SLC38A10: variants seen among roughly 807,000 people sequenced by gnomAD.
The protein encoded by SLC38A10 is solute carrier family 38 member 10, also known as Sodium-coupled neutral amino acid transporter 10.
In SLC38A10, 53 loss-of-function variants were observed where a neutral mutation model predicts 81.0. The ratio of observed to expected loss-of-function variants is 0.65; its 90% CI spans 0.53 to 0.82. SLC38A10 has a LOEUF of 0.82. SLC38A10 is among the 40% of genes least tolerant of loss of function. The probability of loss-of-function intolerance (pLI) is 0.00; values close to 1 mark genes in which losing one functional copy is unlikely to be tolerated. For synonymous variants in SLC38A10, 665 were observed against 655.3 expected (o/e 1.01, Z -0.23); for missense variants, 1,471 against 1,545.0 (o/e 0.95, Z 0.80).
intron 10 of SLC38A10, among the ~76,000 whole-genome samples, chr17:81,261,233 C>T (rs997866484): frequency 3.9e-5 from 6 of 152,076 alleles, no homozygotes; most frequent in South Asian, 2.1e-4. Context: ...CCCCGGCTCC[C>T]GCCACCCCGG....
Position 81,247,950 on chromosome 17 carries a change from C to CTTTTT in SLC38A10, c.2066-894_2066-890dup, listed in dbSNP as rs34228716. On this transcript the variant is annotated intron_variant, in intron 14 of 15. Transcript: ENST00000374759. ...AATTTTAAAAACAAACAAAAGCTGT[C>CTTTTT]TTTTTTTTTTTTTTTTTTTTTTTTG... Among the ~76,000 whole-genome samples, 226 of 73,086 alleles carry CTTTTT rather than the reference C, an allele frequency of 3.1e-3. 2 individuals are homozygous for CTTTTT. Among genetic ancestry groups the CTTTTT allele is most frequent in the East Asian group, 5.9e-3 (13 of 2,202 alleles). 47.9% of individuals were successfully genotyped at this position (73,086 alleles called of 152,430 possible). A position where few individuals can be genotyped will look rare whatever the true frequency, so the allele number is the denominator to read the frequency against.
Position 81,289,737 on chromosome 17 carries a change from C to T in SLC38A10, c.171G>A (p.Leu57=), listed in dbSNP as rs924782117. 3 of 1,611,844 alleles carry T rather than the reference C, an allele frequency of 1.9e-6. No homozygotes were observed. The South Asian group carries it at 3.3e-5, about 18-fold the overall frequency. The change falls in exon 2 of 16, where the codon TTG becomes TTA. Residue 57 remains leucine, a synonymous_variant. Transcript: ENST00000374759. This position sits in a 1 kb window ranked among gnomAD's most constrained non-coding sequence, Gnocchi z 5.9. ...GCTTGCTCAGGCTGGCCGACTTCAC[C>T]AAGAACATGCACGACTGGTGCGTCA... ...SWMTHQSCMF[L]VKSASLSKRR...
intron 14 of SLC38A10, chr17:81,251,283 G>A (rs778939679): frequency 6.2e-7 from 1 of 1,607,108 alleles, no homozygotes; most frequent in South Asian, 1.1e-5. Flanking sequence ...TGTTTAAAGG[G>A]GAGTAAGGCA....
At chr17:81,282,868 G>A (rs1460512282) in intron 4 of SLC38A10, among the ~76,000 whole-genome samples, 1 of 152,226 alleles carries the variant, frequency 6.6e-6, no homozygotes, top group Non-Finnish European at 1.5e-5. Flanking sequence ...GCCTTTGAAA[G>A]CCTTTCTACG....
chr17:81,255,279 C>T (rs768325800), intron 11 of SLC38A10, among the ~76,000 whole-genome samples: 3 of 152,282 alleles, frequency 2.0e-5, no homozygotes, highest in African/African-American at 2.4e-5. Flanking sequence ...TCATGCCCGG[C>T]GCTCTGCAGC....
At chr17:81,274,102 C>A (rs923720231) in intron 8 of SLC38A10, among the ~76,000 whole-genome samples, 7 of 152,242 alleles carry the variant, frequency 4.6e-5, no homozygotes, top group African/African-American at 1.4e-4. Context: ...AGATGCTGCT[C>A]AGGTACAAAA....
Position 81,246,389 on chromosome 17 carries a change from T to G in SLC38A10, c.2527A>C (p.Arg843=), listed in dbSNP as rs762505329. The change falls in exon 16 of 16, where the codon AGG becomes CGG. Residue 843 remains arginine, a synonymous_variant. Transcript: ENST00000374759. ...LRDGQKDAAP[R]AAGTVKELPK... The stretch of plus-strand genomic sequence containing the variant: ...AGCTCCTTCACAGTGCCAGCTGCCC[T>G]GGGGGCGGCATCCTTCTGGCCATCT... 5 of 1,600,156 alleles carry G rather than the reference T, an allele frequency of 3.1e-6. No homozygotes were observed. The African/African-American group carries it at 5.4e-5, about 17-fold the overall frequency.
intron 11 of SLC38A10, among the ~76,000 whole-genome samples, chr17:81,258,635 T>C (rs1042026816): frequency 6.6e-6 from 1 of 151,822 alleles, no homozygotes; most frequent in African/African-American, 2.4e-5. Flanking sequence ...CACACTGGAC[T>C]CTAGCTCCCA....
intron 8 of SLC38A10, among the ~76,000 whole-genome samples, chr17:81,275,193 C>A (rs2063149723): frequency 6.6e-6 from 1 of 151,670 alleles, no homozygotes; most frequent in African/African-American, 2.4e-5. Context: ...CAGGTGTGAG[C>A]CACCATATCC....
intron 6 of SLC38A10, chr17:81,280,041 CCT>C (rs1173818923): frequency 3.2e-5 from 13 of 404,734 alleles, no homozygotes; most frequent in South Asian, 1.7e-4. Flanking sequence ...CGGATTTACG[CCT>C]CTCTTTTCAG....
intron 14 of SLC38A10, chr17:81,250,039 T>C (rs2062895840): frequency 2.3e-6 from 3 of 1,287,222 alleles, no homozygotes; most frequent in South Asian, 2.5e-5. Flanking sequence ...AGACAGGCTC[T>C]TGACTTCAGC....
chr17:81,256,851 A>G (rs73358119), intron 11 of SLC38A10, among the ~76,000 whole-genome samples: 6,599 of 152,328 alleles, frequency 0.043, 231 homozygotes, highest in African/African-American at 0.095. Context: ...GGGGAATCCC[A>G]GGCTATCTGG....
At chr17:81,248,258 A>G (rs1393468433) in intron 14 of SLC38A10, among the ~76,000 whole-genome samples, 1 of 152,194 alleles carries the variant, frequency 6.6e-6, no homozygotes, top group Non-Finnish European at 1.5e-5. Context: ...CACCCGGCCA[A>G]AAGCTGTCTT....
chr17:81,252,107 G>A, intron 13 of SLC38A10, 88 bp downstream of exon 13: 1 of 1,467,680 alleles, frequency 6.8e-7, no homozygotes, highest in Non-Finnish European at 9.0e-7. Flanking sequence ...GGGGACTGAG[G>A]GAGGAACCAT....
intron 11 of SLC38A10, among the ~76,000 whole-genome samples, chr17:81,258,916 C>A (rs1056516038): frequency 4.6e-5 from 7 of 152,254 alleles, no homozygotes; most frequent in Admixed American, 4.6e-4. Context: ...GCCAGCTGCA[C>A]GGAACCCAGA....
At position 81,252,309 on chromosome 17, in the gene SLC38A10, G is replaced by A; in HGVS notation, c.1831C>T (p.Leu611=). Residue 611 remains leucine, a synonymous_variant, in exon 13 of 16, where the codon CTG becomes TTG. Coordinates refer to ENST00000374759, the MANE Select transcript of SLC38A10 (RefSeq NM_001037984.3). ...GCCAGGCCGTTCTGCTGCTCAGACA[G>A]CACTGCCTGGGGCCGAGGATGCAGG... ...RGLHPRPQAV[L]SEQQNGLAVG... is the part of the protein sequence containing the mutation. The A allele has an allele frequency of 6.2e-7, 1 of 1,611,962 alleles. No homozygotes were observed.
chr17:81,280,074 G>A (rs981993823), intron 6 of SLC38A10: 16 of 432,428 alleles, frequency 3.7e-5, no homozygotes, highest in Admixed American at 7.4e-5. Flanking sequence ...TGTTCCAACC[G>A]GGCACGAATC....
Position 81,245,282 on chromosome 17 carries a change from AG to A in SLC38A10, c.*273del, listed in dbSNP as rs2146870601. 2.5e-6 allele frequency: 1 copy of A among 397,706 alleles called. No homozygotes were observed. Among genetic ancestry groups the A allele is most frequent in the South Asian group, 5.1e-5 (1 of 19,730 alleles). The allele number at this position is 397,706 out of a possible 1,614,324, so 24.6% of individuals were successfully genotyped here. On this transcript the variant is annotated 3_prime_UTR_variant, in exon 16 of 16. Transcript: ENST00000374759. ...GAGTGCACCAGCCAGCTCGCAGCGG[AG>A]GCCGTTTCTCCTCACAGGCTGGAGT...
rs1217319723 is a variant in SLC38A10 at position 81,277,981 on chromosome 17, C to A, written c.627-848G>T. Reference sequence around the variant, plus strand: ...CCTAGGGTGTCCAGGTGGCCATGGCCATGGCTGTCCCAGGGCAGGGGCTCA... The same window carrying A: ...CCTAGGGTGTCCAGGTGGCCATGGCAATGGCTGTCCCAGGGCAGGGGCTCA... On this transcript the variant is annotated intron_variant, in intron 6 of 15. Coordinates refer to ENST00000374759, the MANE Select transcript of SLC38A10 (RefSeq NM_001037984.3). The surrounding 1 kb of genome is among the most constrained non-coding windows in gnomAD (Gnocchi z 4.5). 6.7e-6 allele frequency among the ~76,000 whole-genome samples: 1 copy of A among 149,734 alleles called. No individual in the cohort carries two copies. Among genetic ancestry groups the A allele is most frequent in the Admixed American group, 6.7e-5 (1 of 14,930 alleles).
Sources: gnomAD v4.1 joint callset for allele counts (sites outside exome capture counted in the v4.1 genomes callset) on GRCh38, gnomAD v4.1.1 for gene constraint, Gnocchi (gnomAD v3.1) non-coding constraint, MANE v1.5 for transcripts, NCBI Gene and HGNC (gene_info 2026-07-23, HGNC 2026-07-21) for gene names.